The following CDH12 variants were observed in gnomAD, a reference collection of about 807,000 sequenced individuals.
CDH12 encodes the protein cadherin 12, also known as cadherin-12.
CDH12 carries 41 observed loss-of-function variants against 74.1 expected under a neutral mutation model. The observed-to-expected ratio is 0.55, with a 90% CI of 0.43 to 0.72. The LOEUF is 0.72. Ranked by LOEUF, CDH12 falls within the 30% of genes least tolerant of loss-of-function variation. The probability of loss-of-function intolerance (pLI) is 0.00; values close to 1 mark genes in which losing one functional copy is unlikely to be tolerated. For missense variants in CDH12, 945 were observed against 977.2 expected, an observed-to-expected ratio of 0.97 and a Z score of 0.44; for synonymous variants, 399 against 355.0, an observed-to-expected ratio of 1.12 and a Z score of -1.39.
intron 2 of CDH12, among the ~76,000 whole-genome samples, chr5:22,499,203 C>T (rs141244714): frequency 6.3e-4 from 96 of 152,066 alleles, no homozygotes; most frequent in African/African-American, 2.1e-3. Context: ...CATGACCCAC[C>T]GTGCTCAGCC....
At chr5:22,025,433 GCA>G (rs989294602) in intron 5 of CDH12, among the ~76,000 whole-genome samples, 5 of 152,080 alleles carry the variant, frequency 3.3e-5, no homozygotes, top group African/African-American at 1.2e-4. Flanking sequence ...TAAAGAAAAT[GCA>G]CACACTAAGG....
chr5:22,745,190 T>C (rs1020437529), intron 1 of CDH12, among the ~76,000 whole-genome samples: 2 of 152,142 alleles, frequency 1.3e-5, no homozygotes, highest in African/African-American at 2.4e-5. Flanking sequence ...CCCATTGCTC[T>C]TCTATAGATT....
chr5:21,875,365 A>G (rs1751873549), intron 6 of CDH12, among the ~76,000 whole-genome samples: 1 of 152,202 alleles, frequency 6.6e-6, no homozygotes, highest in Non-Finnish European at 1.5e-5. Flanking sequence ...ATGCATATAA[A>G]TTTCTTAGCT....
rs577584352 is a variant in CDH12, at chr5:22,432,006, G to A, written c.-427-26655C>T. On this transcript the variant is annotated intron_variant, in intron 2 of 14. Coordinates refer to ENST00000382254, the MANE Select transcript of CDH12 (RefSeq NM_004061.5). ...AGTAGTATACAGTAATGCCCTAGGC[G>A]TTCAAATTCACTCACCCTAGGCGTT... is the stretch of plus-strand genomic sequence containing the variant. Among the ~76,000 whole-genome samples, 16 of 152,188 alleles carry A rather than the reference G, an allele frequency of 1.1e-4. No homozygotes were observed. The South Asian group carries it at 2.3e-3, about 22-fold the overall frequency.
chr5:21,847,711 A>G (rs1203265746), intron 7 of CDH12, among the ~76,000 whole-genome samples: 1 of 152,078 alleles, frequency 6.6e-6, no homozygotes, highest in Non-Finnish European at 1.5e-5. Flanking sequence ...TTGCCATGTA[A>G]TATAACATAT....
chr5:22,046,426 A>ATTT (rs1739955012), intron 5 of CDH12, among the ~76,000 whole-genome samples: 2 of 127,460 alleles, frequency 1.6e-5, no homozygotes, highest in African/African-American at 7.6e-5. Flanking sequence ...TGGTCATTTA[A>ATTT]TTTCTTTTTT....
At chr5:21,752,992 T>G (rs1053950447) in intron 14 of CDH12, among the ~76,000 whole-genome samples, 9 of 152,198 alleles carry the variant, frequency 5.9e-5, no homozygotes, top group Non-Finnish European at 1.5e-5. Flanking sequence ...TATGTACTTT[T>G]ATTATCAAAA....
intron 1 of CDH12, among the ~76,000 whole-genome samples, chr5:22,695,839 C>T (rs1742330200): frequency 6.6e-6 from 1 of 151,954 alleles, no homozygotes; most frequent in South Asian, 2.1e-4. Context: ...TTACTGTGTG[C>T]TCTGTGCATT....
Position 22,681,228 on chromosome 5 carries a change from G to GGTGTGTGT in CDH12, c.-523+171822_-523+171829dup, listed in dbSNP as rs1035806842. On this transcript the variant is annotated intron_variant, in intron 1 of 14. Transcript: ENST00000382254. ...ATCATTAAGCTCCTGGGTATTGGGG[G>GGTGTGTGT]GTGTGTGTGTGTGTGTGTGTGTGTG... Among the ~76,000 whole-genome samples the GGTGTGTGT allele has an allele frequency of 1.2e-3, 122 of 105,810 alleles. 1 individual carries two copies. The highest frequency in any genetic ancestry group is 3.4e-3 in the African/African-American group (110 of 32,150). The allele number at this position is 105,810 out of a possible 152,430, so 69.4% of individuals were successfully genotyped here. A position where few individuals can be genotyped will look rare whatever the true frequency, so the allele number is the denominator to read the frequency against.
chr5:22,757,487 T>C (rs939800610), intron 1 of CDH12, among the ~76,000 whole-genome samples: 4 of 152,182 alleles, frequency 2.6e-5, no homozygotes, highest in African/African-American at 9.7e-5. Flanking sequence ...TATAAAATGG[T>C]ATATGGGATT....
chr5:22,694,188 A>T (rs367973530), intron 1 of CDH12, among the ~76,000 whole-genome samples: 1 of 152,188 alleles, frequency 6.6e-6, no homozygotes, highest in African/African-American at 2.4e-5. Flanking sequence ...ATAATATGAT[A>T]GATATTTTAA....
At chr5:22,837,709 T>A (rs1193162480) in intron 1 of CDH12, among the ~76,000 whole-genome samples, 1 of 152,218 alleles carries the variant, frequency 6.6e-6, no homozygotes, top group African/African-American at 2.4e-5. Flanking sequence ...TACTAGACCA[T>A]GAAATTAAAA....
intron 1 of CDH12, among the ~76,000 whole-genome samples, chr5:22,784,759 C>A (rs999629693): frequency 6.6e-6 from 1 of 152,104 alleles, no homozygotes; most frequent in Non-Finnish European, 1.5e-5. Flanking sequence ...CATTGGCAGG[C>A]AGCTATTCCT....
intron 4 of CDH12, among the ~76,000 whole-genome samples, chr5:22,148,836 A>G (rs1174974811): frequency 1.3e-5 from 2 of 152,044 alleles, no homozygotes; most frequent in African/African-American, 4.8e-5. Flanking sequence ...GATACTAACC[A>G]CTGGCTGGGC....
intron 5 of CDH12, among the ~76,000 whole-genome samples, chr5:22,041,030 T>C: frequency 6.6e-6 from 1 of 152,010 alleles, no homozygotes; most frequent in East Asian, 1.9e-4. Flanking sequence ...AAAATATAAA[T>C]CGTGACATCA....
chr5:22,671,132 G>T (rs1368012209), intron 1 of CDH12, among the ~76,000 whole-genome samples: 1 of 151,862 alleles, frequency 6.6e-6, no homozygotes, highest in African/African-American at 2.4e-5. Flanking sequence ...ACAAATAAGT[G>T]CATATATTTA....
chr5:22,620,533 TA>T (rs1366040721), intron 1 of CDH12, among the ~76,000 whole-genome samples: 3 of 151,836 alleles, frequency 2.0e-5, no homozygotes, highest in African/African-American at 7.3e-5. Context: ...AAAATACCAT[TA>T]AAAAATAAAG....
intron 1 of CDH12, among the ~76,000 whole-genome samples, chr5:22,577,415 A>T (rs1248084033): frequency 1.3e-5 from 2 of 152,224 alleles, no homozygotes; most frequent in Non-Finnish European, 2.9e-5. Flanking sequence ...ATCTTGTTCC[A>T]GATATTACAT....
At chr5:22,620,914 T>C (rs1477684834) in intron 1 of CDH12, among the ~76,000 whole-genome samples, 1 of 152,192 alleles carries the variant, frequency 6.6e-6, no homozygotes, top group East Asian at 1.9e-4. Flanking sequence ...ATGCATTCAT[T>C]TCCTTTGCTG....
Sources: gnomAD v4.1 joint callset for allele counts (sites outside exome capture counted in the v4.1 genomes callset) on GRCh38, gnomAD v4.1.1 for gene constraint, MANE v1.5 for transcripts, NCBI Gene and HGNC (gene_info 2026-07-23, HGNC 2026-07-21) for gene names.